Variants in TTC28 observed in about 807,000 individuals in gnomAD.
TTC28 encodes tetratricopeptide repeat domain 28, also known as tetratricopeptide repeat protein 28.
TTC28 carries 61 observed loss-of-function variants against 198.0 expected under a neutral mutation model. The observed-to-expected ratio is 0.31, with a 90% CI of 0.25 to 0.38. The LOEUF is 0.38. TTC28 is among the 10% of genes least tolerant of loss of function. The pLI is 1.00. For synonymous variants in TTC28, 1,171 were observed against 1,297.8 expected (o/e 0.90, Z 2.10); for missense variants, 2,678 against 3,164.0 (o/e 0.85, Z 3.69).
intron 6 of TTC28, among the ~76,000 whole-genome samples, chr22:28,121,209 CTTTA>C (rs1328558064): frequency 6.6e-6 from 1 of 152,190 alleles, no homozygotes; most frequent in Non-Finnish European, 1.5e-5. Context: ...CCATTTACCT[CTTTA>C]TTTGAGCTGT....
At chr22:28,210,838 G>A (rs940089376) in intron 5 of TTC28, among the ~76,000 whole-genome samples, 1 of 152,100 alleles carries the variant, frequency 6.6e-6, no homozygotes, top group Non-Finnish European at 1.5e-5. Flanking sequence ...AATATTGTCA[G>A]ATTTACCAAA....
intron 2 of TTC28, among the ~76,000 whole-genome samples, chr22:28,413,640 T>C (rs576806786): frequency 2.0e-5 from 3 of 152,296 alleles, no homozygotes; most frequent in Non-Finnish European, 2.9e-5. Context: ...ATTTTAAATT[T>C]ATAATGCAGG....
intron 2 of TTC28, among the ~76,000 whole-genome samples, chr22:28,377,213 A>G (rs904395645): frequency 6.6e-6 from 1 of 151,470 alleles, no homozygotes; most frequent in Non-Finnish European, 1.5e-5. Flanking sequence ...AAAAAAAAAA[A>G]AAACCATGTA....
chr22:28,388,378 G>C (rs2046652990), intron 2 of TTC28, among the ~76,000 whole-genome samples: 1 of 152,164 alleles, frequency 6.6e-6, no homozygotes, highest in Non-Finnish European at 1.5e-5. Context: ...CCAATTCTGT[G>C]AAGAAAGTCA....
At chr22:28,210,624 A>G (rs1463586535) in intron 5 of TTC28, among the ~76,000 whole-genome samples, 1 of 152,136 alleles carries the variant, frequency 6.6e-6, no homozygotes, top group Admixed American at 6.5e-5. Flanking sequence ...AGCCTCCAAG[A>G]AATATGGGAC....
intron 2 of TTC28, among the ~76,000 whole-genome samples, chr22:28,536,205 A>T (rs1455970573): frequency 3.5e-5 from 5 of 142,102 alleles, no homozygotes; most frequent in African/African-American, 5.6e-5. Flanking sequence ...TCTCAAAAAA[A>T]AAAAAAAAAA....
At chr22:28,024,802 G>A (rs1231182793) in intron 13 of TTC28, among the ~76,000 whole-genome samples, 2 of 152,248 alleles carry the variant, frequency 1.3e-5, no homozygotes, top group African/African-American at 4.8e-5. Flanking sequence ...ACCAGCAGCT[G>A]CAACAGCTGT....
chr22:28,385,139 CAAA>C (rs695792), intron 2 of TTC28, among the ~76,000 whole-genome samples: 5 of 99,510 alleles, frequency 5.0e-5, no homozygotes, highest in African/African-American at 3.8e-5. Flanking sequence ...GAAACTCCGT[CAAA>C]AAAAAAAAAA....
At chr22:28,085,029 G>A (rs543676609) in intron 12 of TTC28, among the ~76,000 whole-genome samples, 79 of 152,218 alleles carry the variant, frequency 5.2e-4, no homozygotes, top group Non-Finnish European at 8.4e-4. Flanking sequence ...CCAAATCTAC[G>A]TCTGATTGGT....
chr22:28,230,580 G>A (rs927966716), intron 5 of TTC28, among the ~76,000 whole-genome samples: 1 of 152,152 alleles, frequency 6.6e-6, no homozygotes, highest in Non-Finnish European at 1.5e-5. Flanking sequence ...TCCTTTACAT[G>A]CCATGCCAGA....
chr22:28,169,126 C>T (rs927285223), intron 5 of TTC28, among the ~76,000 whole-genome samples: 5 of 152,168 alleles, frequency 3.3e-5, no homozygotes, highest in Admixed American at 3.3e-4. Context: ...CAATGATACA[C>T]CATCGCACAC....
chr22:28,074,172 C>T (rs939786446), intron 12 of TTC28, among the ~76,000 whole-genome samples: 1 of 152,098 alleles, frequency 6.6e-6, no homozygotes, highest in Non-Finnish European at 1.5e-5. Context: ...TCAAGAGTTA[C>T]ACATTAAATA....
chr22:28,027,113 CA>C (rs1938866663), intron 13 of TTC28, among the ~76,000 whole-genome samples: 1 of 152,204 alleles, frequency 6.6e-6, no homozygotes, highest in Non-Finnish European at 1.5e-5. Flanking sequence ...CAAACACACA[CA>C]CACAAATACA....
At chr22:28,057,987 C>T (rs1343410467) in intron 12 of TTC28, among the ~76,000 whole-genome samples, 1 of 152,118 alleles carries the variant, frequency 6.6e-6, no homozygotes, top group Non-Finnish European at 1.5e-5. Context: ...GTCTTGATTA[C>T]TATAGCTTTA....
At chr22:28,024,377 G>A (rs1158416808) in intron 13 of TTC28, among the ~76,000 whole-genome samples, 1 of 152,200 alleles carries the variant, frequency 6.6e-6, no homozygotes, top group Admixed American at 6.5e-5. Flanking sequence ...TGAATGGGCA[G>A]GTCTGGGGTT....
At chr22:28,199,786 T>C (rs112487388) in intron 5 of TTC28, among the ~76,000 whole-genome samples, 8 of 151,976 alleles carry the variant, frequency 5.3e-5, no homozygotes, top group African/African-American at 1.9e-4. Flanking sequence ...CAAGTCTTAC[T>C]GTCTTCAGAA....
At chr22:28,369,213 A>G (rs968983329) in intron 2 of TTC28, among the ~76,000 whole-genome samples, 4 of 152,164 alleles carry the variant, frequency 2.6e-5, no homozygotes, top group African/African-American at 9.6e-5. Flanking sequence ...CCAAAACAGC[A>G]TGGTACTAGC....
intron 12 of TTC28, among the ~76,000 whole-genome samples, chr22:28,078,576 A>G (rs1212249088): frequency 6.6e-6 from 1 of 152,110 alleles, no homozygotes. Flanking sequence ...CCTGATTTGG[A>G]CCAACAAGGA....
intron 5 of TTC28, among the ~76,000 whole-genome samples, chr22:28,254,867 T>C (rs1395475790): frequency 2.0e-5 from 3 of 152,096 alleles, no homozygotes; most frequent in African/African-American, 4.8e-5. Flanking sequence ...AAGGCCTGCC[T>C]CCTCCATGAA....
Sources: gnomAD v4.1 joint callset for allele counts (sites outside exome capture counted in the v4.1 genomes callset) on GRCh38, gnomAD v4.1.1 for gene constraint, MANE v1.5 for transcripts, NCBI Gene and HGNC (gene_info 2026-07-23, HGNC 2026-07-21) for gene names.